The following ARF1 variants were observed in gnomAD, a reference collection of about 807,000 sequenced individuals.
The protein encoded by ARF1 is ARF GTPase 1, also known as ADP-ribosylation factor 1.
In ARF1, 1 loss-of-function variant was observed where a neutral mutation model predicts 18.0. That is an observed-to-expected ratio of 0.06 (90% confidence interval 0.02 to 0.26). The LOEUF is 0.26. Ranked by LOEUF, ARF1 falls within the 10% of genes least tolerant of loss-of-function variation. The pLI, the probability that ARF1 is intolerant of heterozygous loss-of-function variation, is 1.00. For missense variants in ARF1, 73 were observed against 247.2 expected, an observed-to-expected ratio of 0.30 and a Z score of 4.73; for synonymous variants, 112 against 96.3, an observed-to-expected ratio of 1.16 and a Z score of -0.95.
rs1265051958 is a variant in ARF1, at chr1:228,098,174, TTTTA to T, written c.*166_*169del. The T allele has an allele frequency of 3.4e-5, 27 of 798,608 alleles. No individual in the cohort carries two copies. The highest frequency in any genetic ancestry group is 4.5e-5 in the Non-Finnish European group (24 of 536,316). 49.5% of individuals were successfully genotyped at this position (798,608 alleles called of 1,614,324 possible). On this transcript the variant is annotated 3_prime_UTR_variant, in exon 5 of 5. Transcript: ENST00000272102. ...GGCAGACGCAGCCTGCGGCCAGGCT[TTTTA>T]TTTAATGTAAATAGTTTTTGTTTCC... is the stretch of plus-strand genomic sequence containing the variant.
In ARF1 at chr1:228,097,522, G is replaced by T; in HGVS notation, c.260-69G>T. The T allele has an allele frequency of 6.2e-7, 1 of 1,613,842 alleles. No homozygotes were observed. Among genetic ancestry groups the T allele is most frequent in the Non-Finnish European group, 8.5e-7 (1 of 1,179,916 alleles). On this transcript the variant is annotated intron_variant, in intron 3 of 4. Transcript: ENST00000272102. The surrounding 1 kb of genome is among the most constrained non-coding windows in gnomAD (Gnocchi z 8.1). ...GAGGGGGGGCCAGCCCATAGATGGG[G>T]CATCGATGCCCATAGATGCGGCAGG...
In ARF1 at chr1:228,098,292, G is replaced by A. The variant is rs2032822138; in HGVS notation, c.*279G>A. The A allele has an allele frequency of 3.6e-6, 1 of 280,194 alleles. No individual in the cohort carries two copies. The highest frequency in any genetic ancestry group is 7.4e-5 in the East Asian group (1 of 13,512). The allele number at this position is 280,194 out of a possible 1,614,324, so 17.4% of individuals were successfully genotyped here. On this transcript the variant is annotated 3_prime_UTR_variant, in exon 5 of 5. Coordinates refer to ENST00000272102, the MANE Select transcript of ARF1 (RefSeq NM_001658.4). ...ATCAACTCACTGTTCAGTGCTGAGA[G>A]GGGATGTAGGCCCATGGGCACCTGG...
chr1:228,095,507 A>C (rs2032714749), intron 1 of ARF1, among the ~76,000 whole-genome samples: 1 of 152,176 alleles, frequency 6.6e-6, no homozygotes, highest in Admixed American at 6.5e-5. Context: ...TTTCTAATAA[A>C]ACATTGAGAT....
chr1:228,096,929 G>A (rs1340840186), intron 1 of ARF1, 149 bp from the exon 2 acceptor site: 1 of 653,278 alleles, frequency 1.5e-6, no homozygotes, highest in Non-Finnish European at 2.5e-6. Flanking sequence ...AGGTGGATTT[G>A]GGGGGCATGG....
At chr1:228,088,631 G>C (rs148909619) in intron 1 of ARF1, among the ~76,000 whole-genome samples, 1 of 152,212 alleles carries the variant, frequency 6.6e-6, no homozygotes, top group Admixed American at 6.5e-5. Context: ...ATCACAGCAA[G>C]AATTCAGTTT....
rs2032521073 is a variant in ARF1 at position 228,089,869 on chromosome 1, C to CT, written c.-38+7105dup. ...GGCAGTAGCTCAGTGCCCAGCATGT[C>CT]TGTGGTGAGTGTGTAGTTCAGGAAG... is the stretch of plus-strand genomic sequence containing the variant. On this transcript the variant is annotated intron_variant, in intron 1 of 4. Coordinates refer to ENST00000272102, the MANE Select transcript of ARF1 (RefSeq NM_001658.4). This position sits in a 1 kb window ranked among gnomAD's most constrained non-coding sequence, Gnocchi z 4.1. Among the ~76,000 whole-genome samples, 2 of 152,198 alleles carry CT rather than the reference C, an allele frequency of 1.3e-5. No individual in the cohort carries two copies. The highest frequency in any genetic ancestry group is 4.8e-5 in the African/African-American group (2 of 41,448).
Position 228,082,875 on chromosome 1 carries a change from C to A in ARF1, c.-38+110C>A. 1 of 152,400 alleles carries A rather than the reference C, an allele frequency of 6.6e-6. No individual in the cohort carries two copies. The highest frequency in any genetic ancestry group is 1.9e-4 in the South Asian group (1 of 5,220). The allele number at this position is 152,400 out of a possible 1,614,324, so 9.4% of individuals were successfully genotyped here. Reference sequence around the variant, plus strand: ...GGTTCGCGAAGGGCACGTCGACCCCCGCGGCGGCGGCGGCGACAGGGCCGG... The same window carrying A: ...GGTTCGCGAAGGGCACGTCGACCCCAGCGGCGGCGGCGGCGACAGGGCCGG... On this transcript the variant is annotated intron_variant, in intron 1 of 4. Coordinates refer to ENST00000272102, the MANE Select transcript of ARF1 (RefSeq NM_001658.4). The surrounding 1 kb of genome is among the most constrained non-coding windows in gnomAD (Gnocchi z 6.1).
chr1:228,086,755 G>GT (rs2032416790), intron 1 of ARF1, among the ~76,000 whole-genome samples: 1 of 152,122 alleles, frequency 6.6e-6, no homozygotes, highest in Non-Finnish European at 1.5e-5. Context: ...AACCTTTAGT[G>GT]TTTTTCTGAG....
In ARF1 at chr1:228,094,105, C is replaced by T. The variant is rs570147191; in HGVS notation, c.-37-2973C>T. 3.9e-5 allele frequency among the ~76,000 whole-genome samples: 6 copies of T among 152,266 alleles called. No individual in the cohort carries two copies. In the East Asian group the frequency reaches 7.7e-4, roughly 20 times the overall value. On this transcript the variant is annotated intron_variant, in intron 1 of 4. Transcript: ENST00000272102. Reference sequence around the variant, plus strand: ...GGAGGCAGCAGGCATGTGTGGATCACGGACAGTGCTGGGGTCGAGGGGGTT... The same window carrying T: ...GGAGGCAGCAGGCATGTGTGGATCATGGACAGTGCTGGGGTCGAGGGGGTT...
chr1:228,099,085 G>A lies in ARF1; in HGVS notation c.*1072G>A, dbSNP rs1193939697. On this transcript the variant is annotated 3_prime_UTR_variant, in exon 5 of 5. Transcript: ENST00000272102. The stretch of plus-strand genomic sequence containing the variant: ...CCTCAGAACTGGTCTATTTGGTGTC[G>A]TGGAACCTCTTACTGCTTTCAATAC... The A allele has an allele frequency of 6.6e-6, 1 of 152,494 alleles. No individual in the cohort carries two copies. The highest frequency in any genetic ancestry group is 1.5e-5 in the Non-Finnish European group (1 of 67,998). 9.4% of individuals were successfully genotyped at this position (152,494 alleles called of 1,614,324 possible). A position where few individuals can be genotyped will look rare whatever the true frequency, so the allele number is the denominator to read the frequency against.
In ARF1 at chr1:228,098,160, C is replaced by T; in HGVS notation, c.*147C>T. The T allele has an allele frequency of 1.0e-6, 1 of 952,528 alleles. No homozygotes were observed. The allele number at this position is 952,528 out of a possible 1,614,324, so 59.0% of individuals were successfully genotyped here. A position where few individuals can be genotyped will look rare whatever the true frequency, so the allele number is the denominator to read the frequency against. ...CGTGCTGTAAATGTGGCAGACGCAG[C>T]CTGCGGCCAGGCTTTTTATTTAATG... On this transcript the variant is annotated 3_prime_UTR_variant, in exon 5 of 5. Transcript: ENST00000272102.
chr1:228,096,244 C>T (rs892129690), intron 1 of ARF1, among the ~76,000 whole-genome samples: 5 of 152,268 alleles, frequency 3.3e-5, no homozygotes, highest in Admixed American at 2.0e-4. Flanking sequence ...GGTGGGTGTG[C>T]TCACAGGCTC....
chr1:228,097,845 C>T lies in ARF1; in HGVS notation c.385-7C>T. On this transcript the variant is annotated splice_polypyrimidine_tract_variant and splice_region_variant and intron_variant, in intron 4 of 4. Coordinates refer to ENST00000272102, the MANE Select transcript of ARF1 (RefSeq NM_001658.4). The surrounding 1 kb of genome is among the most constrained non-coding windows in gnomAD (Gnocchi z 8.1). ...CAGCCCTTCCCACCAACCCTTCCTT[C>T]CCCCAGGACCTCCCCAACGCCATGA... is the stretch of plus-strand genomic sequence containing the variant. 6.2e-7 allele frequency: 1 copy of T among 1,611,832 alleles called. No individual in the cohort carries two copies. Among genetic ancestry groups the T allele is most frequent in the East Asian group, 2.2e-5 (1 of 44,846 alleles).
chr1:228,082,967 G>T lies in ARF1; in HGVS notation c.-38+202G>T. 1 of 152,504 alleles carries T rather than the reference G, an allele frequency of 6.6e-6. No homozygotes were observed. The highest frequency in any genetic ancestry group is 2.0e-4 in the South Asian group (1 of 5,084). 9.4% of individuals were successfully genotyped at this position (152,504 alleles called of 1,614,324 possible). On this transcript the variant is annotated intron_variant, in intron 1 of 4. Coordinates refer to ENST00000272102, the MANE Select transcript of ARF1 (RefSeq NM_001658.4). The surrounding 1 kb of genome is among the most constrained non-coding windows in gnomAD (Gnocchi z 6.1). ...CGGCCGGAGTCGGGGCTGGGCGGAC[G>T]GGCGGGTCGGTGAGCTCCTCGCACC...
chr1:228,090,164 T>G (rs887099776), intron 1 of ARF1, among the ~76,000 whole-genome samples: 1 of 152,232 alleles, frequency 6.6e-6, no homozygotes, highest in East Asian at 1.9e-4. Context: ...ATTCGCTGTT[T>G]AGCATGCATG....
intron 1 of ARF1, among the ~76,000 whole-genome samples, chr1:228,094,207 C>T (rs566288974): frequency 1.3e-5 from 2 of 152,240 alleles, no homozygotes; most frequent in South Asian, 2.1e-4. Context: ...CTTCAGTGGT[C>T]GTGGCAGTCT....
At chr1:228,083,634 T>C (rs958436254) in intron 1 of ARF1, 1 of 152,268 alleles carries the variant, frequency 6.6e-6, no homozygotes, top group Non-Finnish European at 1.5e-5. Context: ...GGTGAATCTT[T>C]AACCTACCTG....
At chr1:228,090,497 A>T (rs765074951) in intron 1 of ARF1, 1 of 152,216 alleles carries the variant, frequency 6.6e-6, no homozygotes, top group Non-Finnish European at 1.5e-5. Flanking sequence ...TGCAGTGTTA[A>T]ATCCCTGCAG....
chr1:228,087,236 A>G (rs969713688), intron 1 of ARF1, among the ~76,000 whole-genome samples: 1 of 152,210 alleles, frequency 6.6e-6, no homozygotes, highest in African/African-American at 2.4e-5. Context: ...TTGCAGTACC[A>G]TATACGCTAT....
Sources: gnomAD v4.1 joint callset for allele counts (sites outside exome capture counted in the v4.1 genomes callset) on GRCh38, gnomAD v4.1.1 for gene constraint, Gnocchi (gnomAD v3.1) non-coding constraint, MANE v1.5 for transcripts, NCBI Gene and HGNC (gene_info 2026-07-23, HGNC 2026-07-21) for gene names.